Variants in ZNF483 observed in about 807,000 individuals in gnomAD.
ZNF483 encodes zinc finger protein HIT-10.
In ZNF483, 9 loss-of-function variants were observed where a neutral mutation model predicts 28.6. The ratio of observed to expected loss-of-function variants is 0.32; its 90% CI spans 0.19 to 0.55. ZNF483 has a LOEUF of 0.55. Ranked by LOEUF, ZNF483 falls within the 20% of genes least tolerant of loss-of-function variation. The pLI is 0.93. For missense variants in ZNF483, 675 were observed against 871.7 expected, an observed-to-expected ratio of 0.77 and a Z score of 2.84; for synonymous variants, 322 against 306.2, an observed-to-expected ratio of 1.05 and a Z score of -0.54.
At chr9:111,561,618 A>G (rs1449642999) in intron 5 of ZNF483, among the ~76,000 whole-genome samples, 2 of 152,160 alleles carry the variant, frequency 1.3e-5, no homozygotes, top group Admixed American at 6.5e-5. Context: ...TTGTAGATGT[A>G]TAGACATTCC....
In ZNF483 at chr9:111,542,166, C is replaced by G. The variant is rs748368089; in HGVS notation, c.1231C>G (p.Pro411Ala). The G allele has an allele frequency of 2.5e-6, 4 of 1,613,882 alleles. No homozygotes were observed. The highest frequency in any genetic ancestry group is 3.4e-6 in the Non-Finnish European group (4 of 1,180,004). Residue 411 changes from proline (P) to alanine (A), a missense_variant, in exon 6 of 6, where the codon CCT becomes GCT. Transcript: ENST00000309235. The surrounding 1 kb of genome is among the most constrained non-coding windows in gnomAD (Gnocchi z 6.2). Reference protein sequence around the residue: ...RRSTLSRRKTPMCEKCRKDSC... With the variant: ...RRSTLSRRKTAMCEKCRKDSC... ...ATCAACTCTTTCTAGGAGAAAAACC[C>G]CTATGTGTGAGAAATGTCGGAAAGA...
intron 5 of ZNF483, chr9:111,564,319 A>ATTATTC (rs952911320): frequency 3.4e-6 from 2 of 588,644 alleles, no homozygotes; most frequent in African/African-American, 4.4e-5. Context: ...TATTATTATT[A>ATTATTC]TTCTGAGACA....
In ZNF483 at chr9:111,543,444, C is replaced by A; in HGVS notation, c.*274C>A. On this transcript the variant is annotated 3_prime_UTR_variant, in exon 6 of 6. Coordinates refer to ENST00000309235, the MANE Select transcript of ZNF483 (RefSeq NM_133464.5). ...GCTCTTTTCTTCAGGGGATTTCTCT[C>A]TGATTTCTTCTACTACCATGTAGTG... 8.5e-7 allele frequency: 1 copy of A among 1,173,448 alleles called. No individual in the cohort carries two copies. The allele number at this position is 1,173,448 out of a possible 1,614,324, so 72.7% of individuals were successfully genotyped here.
chr9:111,531,993 G>A (rs1827358623), intron 3 of ZNF483, among the ~76,000 whole-genome samples: 1 of 152,162 alleles, frequency 6.6e-6, no homozygotes, highest in African/African-American at 2.4e-5. Flanking sequence ...AGAAATACAT[G>A]TCCTTAAATC....
intron 5 of ZNF483, among the ~76,000 whole-genome samples, chr9:111,536,944 G>C (rs2132242351): frequency 6.6e-6 from 1 of 152,268 alleles, no homozygotes; most frequent in East Asian, 1.9e-4. Context: ...TATGTTGTTT[G>C]TCTGAAATGG....
At chr9:111,562,152 C>T (rs1378465713) in intron 5 of ZNF483, among the ~76,000 whole-genome samples, 4 of 152,078 alleles carry the variant, frequency 2.6e-5, no homozygotes, top group Non-Finnish European at 4.4e-5. Context: ...GGATTACAAA[C>T]GTGAGCCACC....
chr9:111,546,452 T>G lies in ZNF483; in HGVS notation c.*3282T>G, dbSNP rs1827809445. Among the ~76,000 whole-genome samples, 1 of 152,144 alleles carries G rather than the reference T, an allele frequency of 6.6e-6. No individual in the cohort carries two copies. Among genetic ancestry groups the G allele is most frequent in the Non-Finnish European group, 1.5e-5 (1 of 67,992 alleles). ...ATCACCCAAATATTTAAATTCACTT[T>G]TGGATTAAGTCAGATTATCAAAAGG... On this transcript the variant is annotated 3_prime_UTR_variant, in exon 6 of 6. Transcript: ENST00000309235.
chr9:111,569,727 T>C (rs565010223), intron 5 of ZNF483, among the ~76,000 whole-genome samples: 61 of 152,298 alleles, frequency 4.0e-4, no homozygotes, highest in Admixed American at 2.7e-3. Context: ...ATTGTGCCAC[T>C]GCACTCCAGC....
Position 111,561,852 on chromosome 9 carries a change from G to A in ZNF483, c.722-14513G>A, listed in dbSNP as rs190235449. Among the ~76,000 whole-genome samples the A allele has an allele frequency of 2.1e-3, 324 of 152,150 alleles. 1 individual carries two copies. The highest frequency in any genetic ancestry group is 8.1e-3 in the Admixed American group (124 of 15,274). Reference sequence around the variant, plus strand: ...GGTAGCTAACACTTACCTAATATATGCCAGGCATTATGCTGTTGTTTTTTT... The same window carrying A: ...GGTAGCTAACACTTACCTAATATATACCAGGCATTATGCTGTTGTTTTTTT... On this transcript the variant is annotated intron_variant, in intron 5 of 5. Coordinates refer to the ZNF483 transcript ENST00000358151.
In ZNF483 at chr9:111,545,217, G is replaced by A. The variant is rs1480011270; in HGVS notation, c.*2047G>A. 5.3e-5 allele frequency among the ~76,000 whole-genome samples: 8 copies of A among 152,110 alleles called. No individual in the cohort carries two copies. The highest frequency in any genetic ancestry group is 1.2e-4 in the Non-Finnish European group (8 of 68,022). On this transcript the variant is annotated 3_prime_UTR_variant, in exon 6 of 6. Transcript: ENST00000309235. The stretch of plus-strand genomic sequence containing the variant: ...TGAGAATCATTCATAATGGTTTTAA[G>A]TTTTTTTCTGAAAAGACAGAAAACT...
chr9:111,530,528 C>G (rs938992175), intron 2 of ZNF483, among the ~76,000 whole-genome samples: 2 of 151,648 alleles, frequency 1.3e-5, no homozygotes, highest in Non-Finnish European at 2.9e-5. Context: ...AAGTGGAGGT[C>G]AGTCTTGGAC....
chr9:111,570,844 C>T (rs760589407), intron 5 of ZNF483, among the ~76,000 whole-genome samples: 1 of 151,898 alleles, frequency 6.6e-6, no homozygotes, highest in Non-Finnish European at 1.5e-5. Context: ...AAGATGGACC[C>T]AATATAACAG....
intron 5 of ZNF483, among the ~76,000 whole-genome samples, chr9:111,569,236 C>T (rs1433696436): frequency 2.0e-5 from 3 of 151,968 alleles, no homozygotes; most frequent in Admixed American, 6.6e-5. Flanking sequence ...ATAGCTCAAG[C>T]GTAGATAGAG....
At chr9:111,565,961 G>A (rs1283722934) in intron 5 of ZNF483, among the ~76,000 whole-genome samples, 1 of 152,066 alleles carries the variant, frequency 6.6e-6, no homozygotes, top group African/African-American at 2.4e-5. Flanking sequence ...CGTATAATTC[G>A]AGCACTTTGT....
rs2132263456 is a variant in ZNF483, at chr9:111,544,350, G to GTT, written c.*1181_*1182insTT. The GTT allele has an allele frequency of 3.1e-6, 2 of 654,680 alleles. No homozygotes were observed. The highest frequency in any genetic ancestry group is 3.6e-6 in the Non-Finnish European group (2 of 553,728). The allele number at this position is 654,680 out of a possible 1,614,324, so 40.6% of individuals were successfully genotyped here. The stretch of plus-strand genomic sequence containing the variant: ...ACAATTTGCTTGGGTGTGTGTGCAT[G>GTT]TGTGTGTGTGTGTGTGTGTGTGTAT... On this transcript the variant is annotated 3_prime_UTR_variant, in exon 6 of 6. Transcript: ENST00000309235.
At chr9:111,539,946 G>T (rs528421039) in intron 5 of ZNF483, among the ~76,000 whole-genome samples, 2 of 151,920 alleles carry the variant, frequency 1.3e-5, no homozygotes, top group African/African-American at 4.8e-5. Flanking sequence ...CCTGATCCGC[G>T]CAGGGAGACC....
rs1589277366 is a variant in ZNF483 at position 111,544,347 on chromosome 9, C to CAT, written c.*1178_*1179dup. On this transcript the variant is annotated 3_prime_UTR_variant, in exon 6 of 6. Coordinates refer to ENST00000309235, the MANE Select transcript of ZNF483 (RefSeq NM_133464.5). ...ATAACAATTTGCTTGGGTGTGTGTG[C>CAT]ATGTGTGTGTGTGTGTGTGTGTGTG... 4.7e-5 allele frequency: 40 copies of CAT among 851,174 alleles called. No homozygotes were observed. Among genetic ancestry groups the CAT allele is most frequent in the East Asian group, 3.2e-4 (2 of 6,318 alleles). The allele number at this position is 851,174 out of a possible 1,614,324, so 52.7% of individuals were successfully genotyped here.
intron 3 of ZNF483, 146 bp downstream of exon 3, chr9:111,531,109 G>A (rs1589267868): frequency 4.2e-6 from 1 of 239,560 alleles, no homozygotes; most frequent in East Asian, 8.4e-5. Context: ...CAGGAAGATC[G>A]CTTGAGCCCA....
In ZNF483 at chr9:111,529,349, G is replaced by A. The variant is rs369528416; in HGVS notation, c.413-1526G>A. Among the ~76,000 whole-genome samples, 36 of 152,312 alleles carry A rather than the reference G, an allele frequency of 2.4e-4. No homozygotes were observed. In the South Asian group the frequency reaches 7.3e-3, roughly 31 times the overall value. ...GAAAAAGAGCTGTTGACATCCGAGG[G>A]TTTTTATGTATGTATTTTTTACTGC... On this transcript the variant is annotated intron_variant, in intron 2 of 5. Transcript: ENST00000309235.
Sources: gnomAD v4.1 joint callset for allele counts (sites outside exome capture counted in the v4.1 genomes callset) on GRCh38, gnomAD v4.1.1 for gene constraint, Gnocchi (gnomAD v3.1) non-coding constraint, MANE v1.5 for transcripts, NCBI Gene and HGNC (gene_info 2026-07-23, HGNC 2026-07-21) for gene names.